The following YTHDF1 variants were observed in gnomAD, a reference collection of about 807,000 sequenced individuals.
The protein encoded by YTHDF1 is YTH domain-containing family protein 1.
YTHDF1 carries 16 observed loss-of-function variants against 49.1 expected under a neutral mutation model. That is an observed-to-expected ratio of 0.33 (90% CI 0.22 to 0.49). The LOEUF (loss-of-function observed/expected upper bound fraction) is 0.49, where lower values mean the gene tolerates loss of function less well. Among genes scored for constraint, YTHDF1 ranks in the 20% least tolerant of loss-of-function variants. The pLI is 0.99. For missense variants in YTHDF1, 621 were observed against 744.3 expected, an observed-to-expected ratio of 0.83 and a Z score of 1.93; for synonymous variants, 313 against 290.1, an observed-to-expected ratio of 1.08 and a Z score of -0.80.
Position 63,213,958 on chromosome 20 carries a change from T to G in YTHDF1, c.53-15A>C. ...ACCATTTTGTACTAGAACAAAAAGT[T>G]GCAAAATATTACCCTCAAATTTTAA... is the stretch of plus-strand genomic sequence containing the variant. On this transcript the variant is annotated splice_polypyrimidine_tract_variant and intron_variant, in intron 2 of 4. Coordinates refer to ENST00000370339, the MANE Select transcript of YTHDF1 (RefSeq NM_017798.4). The G allele has an allele frequency of 6.4e-7, 1 of 1,571,322 alleles. No individual in the cohort carries two copies. The highest frequency in any genetic ancestry group is 8.6e-7 in the Non-Finnish European group (1 of 1,167,922).
chr20:63,213,181 C>T (rs2066583849), intron 3 of YTHDF1, among the ~76,000 whole-genome samples: 1 of 152,254 alleles, frequency 6.6e-6, no homozygotes, highest in African/African-American at 2.4e-5. Flanking sequence ...CCTATAATCC[C>T]AGCACTCTGG....
At chr20:63,215,453 G>A in intron 2 of YTHDF1, 124 bp downstream of exon 2, 1 of 1,356,614 alleles carries the variant, frequency 7.4e-7, no homozygotes, top group South Asian at 1.2e-5. Context: ...ACAACCTCAA[G>A]TTTTATCTCC....
At chr20:63,198,142 C>A (rs375673066) in intron 4 of YTHDF1, among the ~76,000 whole-genome samples, 2 of 151,656 alleles carry the variant, frequency 1.3e-5, no homozygotes, top group Non-Finnish European at 2.9e-5. Flanking sequence ...TAAAAAAAAT[C>A]TCTTCCCAGG....
Position 63,213,503 on chromosome 20 carries a change from C to T in YTHDF1, c.132+361G>A, listed in dbSNP as rs569365486. ...CCACAGCCCAGCTCTTAGCTGCCTC[C>T]CCAGACCACAATTCCAATCATCCAG... is the stretch of plus-strand genomic sequence containing the variant. On this transcript the variant is annotated intron_variant, in intron 3 of 4. Transcript: ENST00000370339. Among the ~76,000 whole-genome samples the T allele has an allele frequency of 2.0e-5, 3 of 152,304 alleles. No homozygotes were observed. The East Asian group carries it at 5.8e-4, about 29-fold the overall frequency.
At chr20:63,210,908 G>T (rs6089861) in intron 3 of YTHDF1, among the ~76,000 whole-genome samples, 34,480 of 152,094 alleles carry the variant, frequency 0.23, 3,975 homozygotes, top group East Asian at 0.35. Flanking sequence ...GATACTGAGC[G>T]GCTACAGTCG....
intron 1 of YTHDF1, 76 bp downstream of exon 1, chr20:63,215,790 C>A: frequency 7.1e-7 from 1 of 1,416,818 alleles, no homozygotes; most frequent in Non-Finnish European, 9.2e-7. Context: ...CCGGGCTCTG[C>A]GTTCCAGCCC....
Position 63,203,384 on chromosome 20 carries a change from C to A in YTHDF1, c.556G>T (p.Gly186Cys). The change falls in exon 4 of 5, where the codon GGC becomes TGC. Residue 186 changes from glycine to cysteine, a missense_variant. This residue lies in a region of YTHDF1 where 470 missense variants were observed against 495.8 expected (regional missense o/e 0.95). Coordinates refer to ENST00000370339, the MANE Select transcript of YTHDF1 (RefSeq NM_017798.4). The surrounding 1 kb of genome is among the most constrained non-coding windows in gnomAD (Gnocchi z 4.4). ...TCCCCAATCTTCAGGCCAACCATGC[C>A]CTGCTCCAGGCTGTTCATCCCGGGG... is the stretch of plus-strand genomic sequence containing the variant. ...KAPGMNSLEQ[G>C]MVGLKIGDVS... The A allele has an allele frequency of 6.2e-7, 1 of 1,613,220 alleles. No homozygotes were observed. Among genetic ancestry groups the A allele is most frequent in the Non-Finnish European group, 8.5e-7 (1 of 1,179,854 alleles).
intron 3 of YTHDF1, among the ~76,000 whole-genome samples, chr20:63,210,280 G>A (rs1303825721): frequency 1.3e-5 from 2 of 152,184 alleles, no homozygotes; most frequent in African/African-American, 4.8e-5. Context: ...TTCTGTCAGT[G>A]GGATCACAGC....
In YTHDF1 at chr20:63,202,590, G is replaced by C; in HGVS notation, c.1350C>G (p.Ala450=). The C allele has an allele frequency of 6.2e-7, 1 of 1,614,092 alleles. No individual in the cohort carries two copies. The highest frequency in any genetic ancestry group is 8.5e-7 in the Non-Finnish European group (1 of 1,180,034). Residue 450 remains alanine (A), a synonymous_variant, in exon 4 of 5, where the codon GCC becomes GCG. Coordinates refer to ENST00000370339, the MANE Select transcript of YTHDF1 (RefSeq NM_017798.4). ...CGTAGTCCACGGGGGACTTCATCTC[G>C]GCCACCCCACAAAAATGCCCACTCC... ...VNGSGHFCGV[A]EMKSPVDYGT...
At chr20:63,207,518 C>CATT (rs1336666569) in intron 3 of YTHDF1, among the ~76,000 whole-genome samples, 10 of 139,006 alleles carry the variant, frequency 7.2e-5, no homozygotes, top group Admixed American at 1.6e-4. Context: ...GTTCTTAACA[C>CATT]ATTACTACCT....
chr20:63,211,960 TACACACACACACACACAC>T (rs57357558), intron 3 of YTHDF1, among the ~76,000 whole-genome samples: 1,532 of 143,820 alleles, frequency 0.011, 23 homozygotes, highest in African/African-American at 0.029. Flanking sequence ...GTCTCCAAAA[TACACACACACACACACAC>T]ACACACACAC....
In YTHDF1 at chr20:63,215,715, A is replaced by AGG. The variant is rs2066598843; in HGVS notation, c.28-115_28-114insCC. ...CGGGCCGCGAGCTCCGCCGGCCCCG[A>AGG]CGCGCGGTCACGTGCGACCCCGGCC... On this transcript the variant is annotated intron_variant, in intron 1 of 4. Transcript: ENST00000370339. 8.0e-5 allele frequency: 112 copies of AGG among 1,404,402 alleles called. 2 individuals are homozygous for AGG. In the East Asian group the frequency reaches 3.2e-3, roughly 40 times the overall value. 87.0% of individuals were successfully genotyped at this position (1,404,402 alleles called of 1,614,324 possible).
At chr20:63,209,996 G>A (rs916920880) in intron 3 of YTHDF1, among the ~76,000 whole-genome samples, 24 of 152,142 alleles carry the variant, frequency 1.6e-4, no homozygotes, top group Admixed American at 7.9e-4. Context: ...AGTAACAGTC[G>A]TTTATCATCA....
In YTHDF1 at chr20:63,203,847, C is replaced by T; in HGVS notation, c.133-40G>A. On this transcript the variant is annotated intron_variant, in intron 3 of 4. Coordinates refer to ENST00000370339, the MANE Select transcript of YTHDF1 (RefSeq NM_017798.4). The surrounding 1 kb of genome is among the most constrained non-coding windows in gnomAD (Gnocchi z 4.4). The stretch of plus-strand genomic sequence containing the variant: ...GTGACAAGTTACACCACTTCTACAA[C>T]ACGAGATGCTGAGAATGCCAACCGC... 6.5e-7 allele frequency: 1 copy of T among 1,546,454 alleles called. No homozygotes were observed. The highest frequency in any genetic ancestry group is 1.2e-5 in the South Asian group (1 of 82,196).
At chr20:63,201,043 TAAA>T (rs780690604) in intron 4 of YTHDF1, among the ~76,000 whole-genome samples, 1 of 140,728 alleles carries the variant, frequency 7.1e-6, no homozygotes. Flanking sequence ...AAACTCCATT[TAAA>T]AAAAAAAAAA....
In YTHDF1 at chr20:63,215,583, T is replaced by G. The variant is rs769350749; in HGVS notation, c.46A>C (p.Asn16His). Residue 16 changes from asparagine to histidine, a missense_variant, in exon 2 of 5, where the codon AAT (asparagine) becomes CAT (histidine). Around this residue, in one of 2 missense-constraint regions of YTHDF1, gnomAD observed 470 missense variants for 495.8 expected, o/e 0.95. Transcript: ENST00000370339. ...VDTQRTKGQDNKVQNGSLHQK... is the reference protein window; with the variant it reads ...VDTQRTKGQDHKVQNGSLHQK... Reference sequence around the variant, plus strand: ...GTCCCGGGACTCCGCTCACCTTTATTATCTTGTCCTTTTGTTCTCTGCACC... The same window carrying G: ...GTCCCGGGACTCCGCTCACCTTTATGATCTTGTCCTTTTGTTCTCTGCACC... 14 of 1,612,838 alleles carry G rather than the reference T, an allele frequency of 8.7e-6. No individual in the cohort carries two copies. In the Admixed American group the frequency reaches 2.2e-4, roughly 25 times the overall value.
rs942797188 is a variant in YTHDF1, at chr20:63,215,959, C to T, written c.-67G>A. On this transcript the variant is annotated 5_prime_UTR_variant, in exon 1 of 5. Coordinates refer to ENST00000370339, the MANE Select transcript of YTHDF1 (RefSeq NM_017798.4). ...CTCGGGCCTCCCCTAGAGGCCGGGCCTGTCACCCTAGCTCGCGCGGCCCCG... is the reference window on the plus strand; with the variant it reads ...CTCGGGCCTCCCCTAGAGGCCGGGCTTGTCACCCTAGCTCGCGCGGCCCCG... 9.8e-6 allele frequency: 12 copies of T among 1,222,512 alleles called. No individual in the cohort carries two copies. Among genetic ancestry groups the T allele is most frequent in the African/African-American group, 1.6e-5 (1 of 63,020 alleles). The allele number at this position is 1,222,512 out of a possible 1,614,324, so 75.7% of individuals were successfully genotyped here. A position where few individuals can be genotyped will look rare whatever the true frequency, so the allele number is the denominator to read the frequency against.
rs1263962641 is a variant in YTHDF1 at position 63,203,861 on chromosome 20, A to G, written c.133-54T>C. 6.6e-7 allele frequency: 1 copy of G among 1,512,316 alleles called. No homozygotes were observed. The highest frequency in any genetic ancestry group is 8.9e-7 in the Non-Finnish European group (1 of 1,120,018). The allele number at this position is 1,512,316 out of a possible 1,614,324, so 93.7% of individuals were successfully genotyped here. ...CACTTCTACAACACGAGATGCTGAG[A>G]ATGCCAACCGCCTCTTGCTTAAGCA... On this transcript the variant is annotated intron_variant, in intron 3 of 4. Coordinates refer to ENST00000370339, the MANE Select transcript of YTHDF1 (RefSeq NM_017798.4). This position sits in a 1 kb window ranked among gnomAD's most constrained non-coding sequence, Gnocchi z 4.4.
At chr20:63,209,392 G>A (rs543127833) in intron 3 of YTHDF1, among the ~76,000 whole-genome samples, 1 of 152,254 alleles carries the variant, frequency 6.6e-6, no homozygotes, top group East Asian at 1.9e-4. Flanking sequence ...TCATATAGCT[G>A]TACAAAAATT....
Sources: allele counts gnomAD v4.1 joint callset (sites outside exome capture counted in the v4.1 genomes callset), GRCh38; gene constraint gnomAD v4.1.1; regional missense constraint gnomAD v4.1.1; non-coding constraint Gnocchi (gnomAD v3.1); transcripts MANE v1.5; gene names NCBI Gene and HGNC (gene_info 2026-07-23, HGNC 2026-07-21).